The following GALNT2 variants were observed in gnomAD, a reference collection of about 807,000 sequenced individuals.
The protein encoded by GALNT2 is polypeptide N-acetylgalactosaminyltransferase 2.
In GALNT2, 31 loss-of-function variants were observed where a neutral mutation model predicts 81.4. The observed-to-expected ratio is 0.38, with a 90% CI of 0.29 to 0.51. GALNT2 has a LOEUF of 0.51. Ranked by LOEUF, GALNT2 falls within the 20% of genes least tolerant of loss-of-function variation. GALNT2 has a pLI of 0.87. For synonymous variants in GALNT2, 303 were observed against 287.4 expected (o/e 1.05, Z -0.55); for missense variants, 629 against 765.7 (o/e 0.82, Z 2.11).
chr1:230,206,056 A>C (rs1461650468), intron 3 of GALNT2, among the ~76,000 whole-genome samples: 1 of 152,180 alleles, frequency 6.6e-6, no homozygotes, highest in African/African-American at 2.4e-5. Context: ...ACTTCAGTCG[A>C]CTGCTTGGCA....
At chr1:230,258,826 A>G (rs1006396987) in intron 11 of GALNT2, 2 of 152,372 alleles carry the variant, frequency 1.3e-5, no homozygotes, top group Non-Finnish European at 2.9e-5. Flanking sequence ...TAGACATATC[A>G]GACGCCCCAC....
intron 1 of GALNT2, among the ~76,000 whole-genome samples, chr1:230,107,799 C>A (rs1193350104): frequency 6.6e-6 from 1 of 152,122 alleles, no homozygotes; most frequent in African/African-American, 2.4e-5. Flanking sequence ...TTATCACACT[C>A]AAGACATTAA....
chr1:230,167,090 C>T lies in GALNT2; in HGVS notation c.127-11128C>T, dbSNP rs1425552944. ...GGGCTCTTTGCATATCATTCTGAGA[C>T]TCTTTTTTTTTTTTCTTGGAGATGC... On this transcript the variant is annotated intron_variant, in intron 1 of 15. Transcript: ENST00000366672. Among the ~76,000 whole-genome samples the T allele has an allele frequency of 9.0e-5, 10 of 110,968 alleles. No individual in the cohort carries two copies. The South Asian group carries it at 2.7e-3, about 30-fold the overall frequency. 72.8% of individuals were successfully genotyped at this position (110,968 alleles called of 152,430 possible). A position where few individuals can be genotyped will look rare whatever the true frequency, so the allele number is the denominator to read the frequency against.
chr1:230,085,142 G>A (rs964058053), intron 1 of GALNT2, among the ~76,000 whole-genome samples: 1 of 152,148 alleles, frequency 6.6e-6, no homozygotes, highest in Non-Finnish European at 1.5e-5. Flanking sequence ...TTTAGCAAAA[G>A]TTTTTATTAT....
chr1:230,106,905 T>C (rs1012081056), intron 1 of GALNT2, among the ~76,000 whole-genome samples: 1 of 152,216 alleles, frequency 6.6e-6, no homozygotes, highest in African/African-American at 2.4e-5. Context: ...AAAAGGGCAC[T>C]ATTATTTCCC....
intron 7 of GALNT2, among the ~76,000 whole-genome samples, chr1:230,244,221 A>G (rs1302329251): frequency 5.3e-5 from 8 of 152,158 alleles, no homozygotes; most frequent in Non-Finnish European, 1.0e-4. Context: ...GCTACTAGGA[A>G]TTATGAAGAT....
At chr1:230,191,307 G>C (rs1663516774) in intron 2 of GALNT2, among the ~76,000 whole-genome samples, 1 of 152,208 alleles carries the variant, frequency 6.6e-6, no homozygotes, top group Non-Finnish European at 1.5e-5. Flanking sequence ...CAGTGACTCA[G>C]ATTTTGAGGA....
intron 1 of GALNT2, among the ~76,000 whole-genome samples, chr1:230,174,206 C>T (rs540840471): frequency 6.6e-6 from 1 of 152,292 alleles, no homozygotes; most frequent in South Asian, 2.1e-4. Context: ...TTGGCAGAGG[C>T]GTGGCTGGAA....
chr1:230,256,857 G>A (rs186460493), intron 11 of GALNT2, among the ~76,000 whole-genome samples: 1 of 152,260 alleles, frequency 6.6e-6, no homozygotes, highest in East Asian at 1.9e-4. Flanking sequence ...GTAAGATGCA[G>A]TCATGTGGTC....
chr1:230,148,692 T>G (rs1231217514), intron 1 of GALNT2, among the ~76,000 whole-genome samples: 1 of 152,094 alleles, frequency 6.6e-6, no homozygotes, highest in Non-Finnish European at 1.5e-5. Context: ...GCTCAGGTGA[T>G]CCTCCCACCT....
intron 2 of GALNT2, among the ~76,000 whole-genome samples, chr1:230,180,599 G>T: frequency 6.6e-6 from 1 of 151,982 alleles, no homozygotes; most frequent in East Asian, 1.9e-4. Context: ...ATCTTTTGCT[G>T]TTCCATATAA....
intron 2 of GALNT2, among the ~76,000 whole-genome samples, chr1:230,185,799 T>C (rs1369431899): frequency 1.3e-5 from 2 of 152,186 alleles, no homozygotes; most frequent in Non-Finnish European, 2.9e-5. Context: ...CACACAAATA[T>C]AGCTGCCACA....
Position 230,279,589 on chromosome 1 carries a change from TC to T in GALNT2, c.*132del. 4.1e-6 allele frequency: 5 copies of T among 1,228,862 alleles called. No individual in the cohort carries two copies. In the South Asian group the frequency reaches 7.7e-5, roughly 19 times the overall value. The allele number at this position is 1,228,862 out of a possible 1,614,324, so 76.1% of individuals were successfully genotyped here. ...TCAGTATTCCATCATGGTCTGAAAGTCAAACTTCGGCAAGGCACGGACGACT... is the reference window on the plus strand; with the variant it reads ...TCAGTATTCCATCATGGTCTGAAAGTAAACTTCGGCAAGGCACGGACGACT... On this transcript the variant is annotated 3_prime_UTR_variant, in exon 16 of 16. Coordinates refer to ENST00000366672, the MANE Select transcript of GALNT2 (RefSeq NM_004481.5). This position sits in a 1 kb window ranked among gnomAD's most constrained non-coding sequence, Gnocchi z 4.6.
At chr1:230,095,750 C>A (rs1660236207) in intron 1 of GALNT2, among the ~76,000 whole-genome samples, 1 of 152,196 alleles carries the variant, frequency 6.6e-6, no homozygotes, top group Non-Finnish European at 1.5e-5. Context: ...AGGCTCTGTC[C>A]TTGAGGGGCC....
upstream of GALNT2, among the ~76,000 whole-genome samples, chr1:230,063,040 CG>C (rs1329667667): frequency 6.6e-6 from 1 of 151,954 alleles, no homozygotes; most frequent in Middle Eastern, 3.2e-3. Flanking sequence ...AGGCTGGGCG[CG>C]GTGGCTCACA....
At chr1:230,249,093 CAT>C in intron 8 of GALNT2, 89 bp from the exon 9 acceptor site, 2 of 1,266,292 alleles carry the variant, frequency 1.6e-6, no homozygotes, top group East Asian at 2.3e-5. Context: ...TCTGTCCAAA[CAT>C]CGAATATTTT....
chr1:230,274,860 A>G (rs902887152), intron 15 of GALNT2, among the ~76,000 whole-genome samples: 5 of 152,082 alleles, frequency 3.3e-5, no homozygotes, highest in African/African-American at 1.2e-4. Context: ...ATTTACAAAA[A>G]TTCTAAATGA....
chr1:230,068,220 G>C (rs1558267848), intron 1 of GALNT2, among the ~76,000 whole-genome samples: 1 of 152,250 alleles, frequency 6.6e-6, no homozygotes, highest in Non-Finnish European at 1.5e-5. Context: ...TGGGGACCGT[G>C]TGAGCCGCTC....
intron 15 of GALNT2, among the ~76,000 whole-genome samples, chr1:230,276,846 C>T (rs948985106): frequency 3.3e-5 from 5 of 152,164 alleles, no homozygotes; most frequent in African/African-American, 1.2e-4. Context: ...ACTCATTGGC[C>T]CCTCGAGAGG....
Sources: gnomAD v4.1 joint callset for allele counts (sites outside exome capture counted in the v4.1 genomes callset) on GRCh38, gnomAD v4.1.1 for gene constraint, Gnocchi (gnomAD v3.1) non-coding constraint, MANE v1.5 for transcripts, NCBI Gene and HGNC (gene_info 2026-07-23, HGNC 2026-07-21) for gene names.